CNTNAP2: variants seen among roughly 807,000 people sequenced by gnomAD.
CNTNAP2 encodes the protein contactin-associated protein-like 2.
A neutral mutation model predicts 155.2 loss-of-function variants in CNTNAP2; 98 were observed. That is an observed-to-expected ratio of 0.63 (90% CI 0.54 to 0.75). The LOEUF (loss-of-function observed/expected upper bound fraction) is 0.75. Among genes scored for constraint, CNTNAP2 ranks in the 30% least tolerant of loss-of-function variants. The pLI is 0.00. For missense variants in CNTNAP2, 1,727 were observed against 1,688.1 expected (o/e 1.02, Z -0.40); for synonymous variants, 651 against 631.2 (o/e 1.03, Z -0.47).
intron 3 of CNTNAP2, among the ~76,000 whole-genome samples, chr7:146,850,035 A>G (rs1329845729): frequency 1.3e-5 from 2 of 152,166 alleles, no homozygotes; most frequent in Non-Finnish European, 2.9e-5. Flanking sequence ...TGACTTTGGG[A>G]GAGAACTACT....
intron 1 of CNTNAP2, among the ~76,000 whole-genome samples, chr7:146,451,777 A>G (rs1284610500): frequency 6.7e-6 from 1 of 150,012 alleles, no homozygotes; most frequent in Non-Finnish European, 1.5e-5. Context: ...AACCCTAGCT[A>G]TAGAAGGAAT....
chr7:147,864,535 T>C (rs941094239), intron 13 of CNTNAP2, among the ~76,000 whole-genome samples: 12 of 151,954 alleles, frequency 7.9e-5, no homozygotes, highest in Middle Eastern at 3.4e-3. Flanking sequence ...GCCATTTTCA[T>C]GATATTGATT....
intron 1 of CNTNAP2, among the ~76,000 whole-genome samples, chr7:146,692,705 A>C (rs181208913): frequency 6.6e-6 from 1 of 152,076 alleles, no homozygotes; most frequent in Non-Finnish European, 1.5e-5. Context: ...TTCATGTGTA[A>C]ATGGGGATCA....
chr7:148,144,965 C>G (rs1325062650), intron 16 of CNTNAP2, among the ~76,000 whole-genome samples: 1 of 152,144 alleles, frequency 6.6e-6, no homozygotes, highest in African/African-American at 2.4e-5. Flanking sequence ...TTTTAAAACA[C>G]ACTGGCTGTC....
intron 4 of CNTNAP2, among the ~76,000 whole-genome samples, chr7:147,070,927 A>G (rs944331541): frequency 6.6e-6 from 1 of 152,154 alleles, no homozygotes; most frequent in Non-Finnish European, 1.5e-5. Flanking sequence ...AAGGAAATTT[A>G]CCACTGGCAG....
At chr7:147,567,411 C>T (rs137860259) in intron 12 of CNTNAP2, among the ~76,000 whole-genome samples, 52 of 152,220 alleles carry the variant, frequency 3.4e-4, no homozygotes, top group Middle Eastern at 3.4e-3. Flanking sequence ...TTTAATCAGG[C>T]ATTGTATATT....
At chr7:147,162,425 T>G (rs1802044618) in intron 8 of CNTNAP2, among the ~76,000 whole-genome samples, 2 of 152,198 alleles carry the variant, frequency 1.3e-5, no homozygotes, top group Non-Finnish European at 1.5e-5. Flanking sequence ...TAATAATTAG[T>G]CAATCCATCA....
chr7:148,192,482 TC>T (rs1333649909), intron 18 of CNTNAP2, among the ~76,000 whole-genome samples: 6 of 149,848 alleles, frequency 4.0e-5, no homozygotes, highest in Non-Finnish European at 8.9e-5. Context: ...AGTAATTTTT[TC>T]CCCTCCCTCA....
chr7:146,461,567 A>G (rs6963234), intron 1 of CNTNAP2, among the ~76,000 whole-genome samples: 82 of 152,340 alleles, frequency 5.4e-4, no homozygotes, highest in African/African-American at 1.9e-3. Flanking sequence ...TCACAGAAAA[A>G]TTATCTAAGG....
chr7:148,150,886 G>C (rs553642098), intron 17 of CNTNAP2, among the ~76,000 whole-genome samples: 2 of 151,836 alleles, frequency 1.3e-5, no homozygotes, highest in Non-Finnish European at 2.9e-5. Flanking sequence ...GGGACTATAG[G>C]CTCATGCCAC....
intron 1 of CNTNAP2, among the ~76,000 whole-genome samples, chr7:146,193,154 C>T (rs1368944310): frequency 1.3e-5 from 2 of 152,210 alleles, no homozygotes; most frequent in Admixed American, 1.3e-4. Context: ...CTTTCATGGG[C>T]TGGCATTGAG....
At chr7:148,150,226 C>A (rs1028413430) in intron 17 of CNTNAP2, among the ~76,000 whole-genome samples, 2 of 150,736 alleles carry the variant, frequency 1.3e-5, no homozygotes, top group Admixed American at 1.3e-4. Flanking sequence ...TCCTGGCCAA[C>A]ATAGTGAAAC....
intron 10 of CNTNAP2, among the ~76,000 whole-genome samples, chr7:147,445,317 T>C (rs1313829744): frequency 1.3e-5 from 2 of 152,214 alleles, no homozygotes; most frequent in South Asian, 2.1e-4. Flanking sequence ...ATATTTCCTA[T>C]GAAACAGTGA....
intron 21 of CNTNAP2, among the ~76,000 whole-genome samples, chr7:148,363,866 C>T (rs1319570979): frequency 1.5e-5 from 2 of 134,124 alleles, no homozygotes; most frequent in Non-Finnish European, 3.4e-5. Context: ...AGCTGGAGTT[C>T]CGGGTGGGCG....
Position 147,023,287 on chromosome 7 carries a change from T to TA in CNTNAP2, c.403-20612dup, listed in dbSNP as rs892015113. 1.8e-4 allele frequency among the ~76,000 whole-genome samples: 27 copies of TA among 152,096 alleles called. 1 individual carries two copies. Among genetic ancestry groups the TA allele is most frequent in the East Asian group, 3.9e-4 (2 of 5,164 alleles). ...TAGAAATTTTATATTATGTTGAGAC[T>TA]AAAAAAAATCAACTCTGAGGTATAA... On this transcript the variant is annotated intron_variant, in intron 3 of 23. Transcript: ENST00000361727.
intron 11 of CNTNAP2, among the ~76,000 whole-genome samples, chr7:147,502,422 G>A (rs1448145993): frequency 7.4e-6 from 1 of 135,352 alleles, no homozygotes; most frequent in Non-Finnish European, 1.6e-5. Context: ...CACTTATATA[G>A]GGAACCTAAA....
chr7:146,631,692 G>A (rs1799513549), intron 1 of CNTNAP2, among the ~76,000 whole-genome samples: 2 of 152,246 alleles, frequency 1.3e-5, no homozygotes, highest in Non-Finnish European at 1.5e-5. Context: ...AAAATGGCAC[G>A]CTATTGGACC....
intron 9 of CNTNAP2, among the ~76,000 whole-genome samples, chr7:147,333,249 A>G (rs574108771): frequency 3.8e-4 from 58 of 152,300 alleles, no homozygotes; most frequent in Admixed American, 6.5e-4. Flanking sequence ...TACAGAGAGA[A>G]TACTGATAAA....
intron 2 of CNTNAP2, among the ~76,000 whole-genome samples, chr7:146,826,505 C>T (rs1269466878): frequency 6.6e-6 from 1 of 152,052 alleles, no homozygotes; most frequent in Non-Finnish European, 1.5e-5. Context: ...CTAAGCAAGT[C>T]CATTCTTATT....
Sources: allele counts gnomAD v4.1 joint callset (sites outside exome capture counted in the v4.1 genomes callset), GRCh38; gene constraint gnomAD v4.1.1; transcripts MANE v1.5; gene names NCBI Gene and HGNC (gene_info 2026-07-23, HGNC 2026-07-21).